The following PARD3B variants were observed in gnomAD, a reference collection of about 807,000 sequenced individuals.
PARD3B encodes the protein par-3 family cell polarity regulator beta, also known as partitioning defective 3 homolog B.
PARD3B carries 103 observed loss-of-function variants against 130.2 expected under a neutral mutation model. The ratio of observed to expected loss-of-function variants is 0.79; its 90% CI spans 0.67 to 0.93. The LOEUF is 0.93. Ranked by LOEUF, PARD3B falls within the 40% of genes least tolerant of loss-of-function variation. PARD3B has a pLI of 0.00. For synonymous variants in PARD3B, 583 were observed against 553.2 expected (o/e 1.05, Z -0.76); for missense variants, 1,609 against 1,499.2 (o/e 1.07, Z -1.21).
intron 2 of PARD3B, among the ~76,000 whole-genome samples, chr2:204,911,777 A>T (rs1399831146): frequency 1.3e-5 from 2 of 152,230 alleles, no homozygotes; most frequent in East Asian, 1.9e-4. Context: ...AGAACATTTC[A>T]TGTAACGGTG....
chr2:205,069,094 A>G (rs1700564561), intron 4 of PARD3B, among the ~76,000 whole-genome samples: 1 of 151,952 alleles, frequency 6.6e-6, no homozygotes, highest in African/African-American at 2.4e-5. Flanking sequence ...ATAGAAATGT[A>G]CTAAAATTTC....
intron 2 of PARD3B, among the ~76,000 whole-genome samples, chr2:204,758,486 T>C (rs1235047502): frequency 6.6e-6 from 1 of 152,170 alleles, no homozygotes; most frequent in Admixed American, 6.6e-5. Flanking sequence ...TGTCTATGAA[T>C]GTGATAATCA....
intron 2 of PARD3B, among the ~76,000 whole-genome samples, chr2:204,695,299 C>T (rs144148506): frequency 0.017 from 2,543 of 151,780 alleles, 30 homozygotes; most frequent in Admixed American, 0.026. Flanking sequence ...ATGTAACTTA[C>T]GAATTACAAT....
At chr2:205,512,857 C>G (rs974754202) in intron 21 of PARD3B, among the ~76,000 whole-genome samples, 4 of 152,074 alleles carry the variant, frequency 2.6e-5, no homozygotes, top group African/African-American at 9.7e-5. Flanking sequence ...TTAGATACCC[C>G]CAAACCATGT....
intron 1 of PARD3B, among the ~76,000 whole-genome samples, chr2:204,596,859 T>C (rs923236645): frequency 1.3e-5 from 2 of 151,856 alleles, no homozygotes; most frequent in African/African-American, 4.8e-5. Flanking sequence ...CAGAGGTTGC[T>C]GTGAGGTGAG....
At chr2:205,433,588 G>T (rs898840960) in intron 19 of PARD3B, among the ~76,000 whole-genome samples, 1 of 150,210 alleles carries the variant, frequency 6.7e-6, no homozygotes, top group African/African-American at 2.4e-5. Context: ...AAAGTGAAAT[G>T]CTTAGCTCTT....
In PARD3B at chr2:205,301,564, C is replaced by G. The variant is rs773723317; in HGVS notation, c.2493C>G (p.Ala831=). 6.2e-7 allele frequency: 1 copy of G among 1,613,190 alleles called. No homozygotes were observed. Among genetic ancestry groups the G allele is most frequent in the Middle Eastern group, 1.7e-4 (1 of 6,060 alleles). Residue 831 remains alanine, a synonymous_variant, in exon 18 of 23, where the codon GCC becomes GCG. Coordinates refer to ENST00000406610, the MANE Select transcript of PARD3B (RefSeq NM_001302769.2). The surrounding 1 kb of genome is among the most constrained non-coding windows in gnomAD (Gnocchi z 5.2). Reference sequence around the variant, plus strand: ...AGCTAGAGGACATGGAAAATAAAGCCAGGAAAGTCAAAAAAACGAAAGAGA... The same window carrying G: ...AGCTAGAGGACATGGAAAATAAAGCGAGGAAAGTCAAAAAAACGAAAGAGA... The part of the protein sequence containing the change: ...NSELEDMENK[A]RKVKKTKEKE...
intron 2 of PARD3B, among the ~76,000 whole-genome samples, chr2:204,900,573 G>C (rs1450133590): frequency 1.1e-4 from 16 of 152,112 alleles, no homozygotes; most frequent in Non-Finnish European, 2.1e-4. Context: ...TTTGATATCT[G>C]TCTGAAAGGT....
intron 13 of PARD3B, among the ~76,000 whole-genome samples, chr2:205,178,968 G>A (rs1489924722): frequency 6.6e-6 from 1 of 152,126 alleles, no homozygotes; most frequent in Non-Finnish European, 1.5e-5. Context: ...CCAGAAGAAG[G>A]CATTGTTACC....
At chr2:205,100,899 C>G (rs898464169) in intron 4 of PARD3B, among the ~76,000 whole-genome samples, 1 of 152,004 alleles carries the variant, frequency 6.6e-6, no homozygotes, top group African/African-American at 2.4e-5. Context: ...TATAATAAAA[C>G]AAAGGTGTAC....
At chr2:205,423,833 C>A (rs1483884930) in intron 19 of PARD3B, among the ~76,000 whole-genome samples, 2 of 152,060 alleles carry the variant, frequency 1.3e-5, no homozygotes, top group Non-Finnish European at 2.9e-5. Context: ...CAAACTAACA[C>A]CAGAACAGAA....
intron 2 of PARD3B, among the ~76,000 whole-genome samples, chr2:204,866,545 C>T (rs879703659): frequency 4.0e-5 from 6 of 151,816 alleles, no homozygotes; most frequent in African/African-American, 1.5e-4. Context: ...TAGGTGCCAG[C>T]CCTGTTCTGG....
chr2:205,186,130 A>G (rs2036085875), intron 14 of PARD3B, among the ~76,000 whole-genome samples: 1 of 152,158 alleles, frequency 6.6e-6, no homozygotes. Flanking sequence ...TTCATTTACA[A>G]ATTTAAAAAC....
chr2:205,434,750 A>G (rs1375989173), intron 19 of PARD3B, among the ~76,000 whole-genome samples: 1 of 152,236 alleles, frequency 6.6e-6, no homozygotes, highest in East Asian at 1.9e-4. Flanking sequence ...GAAAATTGTC[A>G]TAACTGAGTT....
chr2:204,717,825 T>G (rs2038803873), intron 2 of PARD3B, among the ~76,000 whole-genome samples: 1 of 152,074 alleles, frequency 6.6e-6, no homozygotes, highest in Non-Finnish European at 1.5e-5. Flanking sequence ...GTAGCACAGA[T>G]GTGGCTGCTT....
At chr2:205,006,660 T>C (rs1268960236) in intron 3 of PARD3B, among the ~76,000 whole-genome samples, 2 of 152,158 alleles carry the variant, frequency 1.3e-5, no homozygotes, top group Admixed American at 1.3e-4. Flanking sequence ...GATGGGATTA[T>C]TTGTTTTCTT....
intron 2 of PARD3B, among the ~76,000 whole-genome samples, chr2:204,724,223 A>G (rs907605245): frequency 6.6e-6 from 1 of 152,190 alleles, no homozygotes; most frequent in East Asian, 1.9e-4. Context: ...GCAATCATTT[A>G]TATTTCTCAA....
intron 7 of PARD3B, among the ~76,000 whole-genome samples, chr2:205,120,570 A>G (rs1164820892): frequency 6.6e-6 from 1 of 152,172 alleles, no homozygotes; most frequent in Non-Finnish European, 1.5e-5. Flanking sequence ...AATTTTTCCT[A>G]GCAACAAGCA....
In PARD3B at chr2:205,021,568, A is replaced by G. The variant is rs907532488; in HGVS notation, c.395-26013A>G. Reference sequence around the variant, plus strand: ...AGGTAATAGCATTTATTGAGCAACTATATGCTCTCTTCTCTCTCTCTTCTC... The same window carrying G: ...AGGTAATAGCATTTATTGAGCAACTGTATGCTCTCTTCTCTCTCTCTTCTC... On this transcript the variant is annotated intron_variant, in intron 3 of 22. Coordinates refer to ENST00000406610, the MANE Select transcript of PARD3B (RefSeq NM_001302769.2). The surrounding 1 kb of genome is among the most constrained non-coding windows in gnomAD (Gnocchi z 4.5). Among the ~76,000 whole-genome samples the G allele has an allele frequency of 6.6e-6, 1 of 150,748 alleles. No homozygotes were observed. Among genetic ancestry groups the G allele is most frequent in the Non-Finnish European group, 1.5e-5 (1 of 67,708 alleles).
Sources: allele counts gnomAD v4.1 joint callset (sites outside exome capture counted in the v4.1 genomes callset), GRCh38; gene constraint gnomAD v4.1.1; non-coding constraint Gnocchi (gnomAD v3.1); transcripts MANE v1.5; gene names NCBI Gene and HGNC (gene_info 2026-07-23, HGNC 2026-07-21).